NFIA: variants seen among roughly 807,000 people sequenced by gnomAD.
NFIA encodes the protein nuclear factor 1 A-type.
In NFIA, 8 loss-of-function variants were observed where a neutral mutation model predicts 62.8. The ratio of observed to expected loss-of-function variants is 0.13; its 90% CI spans 0.07 to 0.23. The LOEUF is 0.23. Ranked by LOEUF, NFIA falls within the 10% of genes least tolerant of loss-of-function variation. NFIA has a pLI of 1.00. For missense variants in NFIA, 410 were observed against 642.1 expected (o/e 0.64, Z 3.91); for synonymous variants, 235 against 238.1 (o/e 0.99, Z 0.12).
chr1:61,357,041 G>A (rs1171481426), intron 5 of NFIA, among the ~76,000 whole-genome samples: 1 of 152,148 alleles, frequency 6.6e-6, no homozygotes, highest in African/African-American at 2.4e-5. Context: ...TTATTTCGGG[G>A]AGTCTACATT....
At chr1:61,182,561 T>G (rs1557619512) in intron 2 of NFIA, among the ~76,000 whole-genome samples, 1 of 152,256 alleles carries the variant, frequency 6.6e-6, no homozygotes, top group Non-Finnish European at 1.5e-5. Context: ...GTAATTTGTG[T>G]AGGGACGTAA....
At chr1:61,384,899 A>G (rs543612393) in intron 7 of NFIA, among the ~76,000 whole-genome samples, 5 of 152,100 alleles carry the variant, frequency 3.3e-5, no homozygotes, top group Non-Finnish European at 5.9e-5. Flanking sequence ...AGAGCATGTT[A>G]TCTACTGCAG....
chr1:61,388,113 C>G (rs187520410), intron 7 of NFIA, among the ~76,000 whole-genome samples: 1 of 152,198 alleles, frequency 6.6e-6, no homozygotes, highest in Admixed American at 6.5e-5. Context: ...GCCATCTGTA[C>G]CATGGGGACA....
chr1:61,419,346 A>G (rs1268414869), intron 9 of NFIA, among the ~76,000 whole-genome samples: 1 of 152,170 alleles, frequency 6.6e-6, no homozygotes, highest in Non-Finnish European at 1.5e-5. Flanking sequence ...ACTACCGGAA[A>G]AGCTGAGGTG....
Position 61,160,579 on chromosome 1 carries a change from AT to A in NFIA, c.559+71900del, listed in dbSNP as rs1434569898. Among the ~76,000 whole-genome samples, 3 of 152,332 alleles carry A rather than the reference AT, an allele frequency of 2.0e-5. No homozygotes were observed. The East Asian group carries it at 5.8e-4, about 29-fold the overall frequency. On this transcript the variant is annotated intron_variant, in intron 2 of 10. Transcript: ENST00000403491. ...CTTCTGTGATTGTATTGCATTGAGC[AT>A]GTGGTAAGGAGGACTGAACTTGGAC... is the stretch of plus-strand genomic sequence containing the variant.
intron 7 of NFIA, among the ~76,000 whole-genome samples, chr1:61,393,601 T>C (rs1197371905): frequency 1.3e-5 from 2 of 152,054 alleles, no homozygotes; most frequent in Non-Finnish European, 1.5e-5. Flanking sequence ...GAGTGCCTCA[T>C]TGGTGTGACC....
chr1:61,386,045 G>C (rs556657335), intron 7 of NFIA: 24 of 152,268 alleles, frequency 1.6e-4, no homozygotes, highest in Admixed American at 8.5e-4. Flanking sequence ...ATAGGCTAAC[G>C]TAAGACATTT....
At chr1:61,403,568 C>T (rs1173125414) in intron 7 of NFIA, among the ~76,000 whole-genome samples, 4 of 152,118 alleles carry the variant, frequency 2.6e-5, no homozygotes, top group Non-Finnish European at 5.9e-5. Context: ...AAGTGAGGCA[C>T]CCAAATTGCA....
At chr1:61,151,314 A>G (rs949871380) in intron 2 of NFIA, among the ~76,000 whole-genome samples, 3 of 150,690 alleles carry the variant, frequency 2.0e-5, no homozygotes, top group Non-Finnish European at 4.4e-5. Context: ...GGTTCAAGTG[A>G]TTTTCATTCC....
chr1:61,324,160 G>A (rs11809739), intron 3 of NFIA, among the ~76,000 whole-genome samples: 3,829 of 152,274 alleles, frequency 0.025, 187 homozygotes, highest in African/African-American at 0.088. Context: ...TGGTTGATGA[G>A]GTAAACTTTT....
intron 2 of NFIA, among the ~76,000 whole-genome samples, chr1:61,271,811 A>G (rs1303535458): frequency 6.6e-6 from 1 of 152,240 alleles, no homozygotes; most frequent in African/African-American, 2.4e-5. Flanking sequence ...ACAAACACTC[A>G]ATTCTAGCTT....
chr1:61,407,560 C>T (rs1237570437), intron 9 of NFIA, among the ~76,000 whole-genome samples: 7 of 151,784 alleles, frequency 4.6e-5, no homozygotes, highest in Non-Finnish European at 7.4e-5. Context: ...AGAGTGATGG[C>T]TGGAGTTCCT....
chr1:61,329,316 G>C (rs1156845606), intron 3 of NFIA, among the ~76,000 whole-genome samples: 1 of 151,622 alleles, frequency 6.6e-6, no homozygotes, highest in Non-Finnish European at 1.5e-5. Flanking sequence ...AAAGTGCTGG[G>C]ATTACAGGTG....
rs2474361 is a variant in NFIA at position 61,450,416 on chromosome 1, G to A, written c.1513-4887G>A. Among the ~76,000 whole-genome samples the A allele has an allele frequency of 4.2e-3, 634 of 152,190 alleles. 2 individuals are homozygous for A. Among genetic ancestry groups the A allele is most frequent in the African/African-American group, 0.015 (605 of 41,516 alleles). On this transcript the variant is annotated intron_variant, in intron 10 of 10. Transcript: ENST00000403491. ...GGCTTTAGTCCATCCACAGAAGTGC[G>A]GGAAGCCAAAAATGACCCACTGGAG...
At chr1:61,414,221 G>T (rs7539457) in intron 9 of NFIA, among the ~76,000 whole-genome samples, 1 of 152,016 alleles carries the variant, frequency 6.6e-6, no homozygotes, top group Non-Finnish European at 1.5e-5. Flanking sequence ...GGCCTCAAGC[G>T]GTCCACCTGC....
chr1:61,453,812 C>G (rs967202414), intron 10 of NFIA, among the ~76,000 whole-genome samples: 4 of 152,178 alleles, frequency 2.6e-5, no homozygotes, highest in African/African-American at 9.7e-5. Context: ...TTCTCTCCCC[C>G]TCTTCTTTCT....
chr1:61,333,090 C>T (rs1052598363), intron 4 of NFIA, among the ~76,000 whole-genome samples: 6 of 151,314 alleles, frequency 4.0e-5, no homozygotes, highest in South Asian at 2.1e-4. Context: ...CACACACACA[C>T]ATACACAGTT....
At chr1:61,181,584 C>T (rs913283997) in intron 2 of NFIA, among the ~76,000 whole-genome samples, 1 of 152,056 alleles carries the variant, frequency 6.6e-6, no homozygotes, top group Non-Finnish European at 1.5e-5. Context: ...ATTAAACATG[C>T]TGCTTGGTGA....
intron 6 of NFIA, among the ~76,000 whole-genome samples, chr1:61,378,271 A>G (rs1348243709): frequency 1.3e-5 from 2 of 152,268 alleles, no homozygotes; most frequent in Admixed American, 1.3e-4. Context: ...ACGTCACTCA[A>G]TCTAATTTTG....
Sources: allele counts gnomAD v4.1 joint callset (sites outside exome capture counted in the v4.1 genomes callset), GRCh38; gene constraint gnomAD v4.1.1; transcripts MANE v1.5; gene names NCBI Gene and HGNC (gene_info 2026-07-23, HGNC 2026-07-21).